GRN: variants seen among roughly 807,000 people sequenced by gnomAD.
The protein encoded by GRN is progranulin.
GRN carries 30 observed loss-of-function variants against 66.7 expected under a neutral mutation model. That is an observed-to-expected ratio of 0.45 (90% CI 0.34 to 0.61). The LOEUF is 0.61. Among genes scored for constraint, GRN ranks in the 20% least tolerant of loss-of-function variants. The pLI is 0.01. For missense variants in GRN, 731 were observed against 803.5 expected, an observed-to-expected ratio of 0.91 and a Z score of 1.09; for synonymous variants, 327 against 311.1, an observed-to-expected ratio of 1.05 and a Z score of -0.54.
rs771907059 is a variant in GRN at position 44,351,360 on chromosome 17, C to T, written c.836-3C>T. 33 of 1,609,962 alleles carry T rather than the reference C, an allele frequency of 2.0e-5. No individual in the cohort carries two copies. The Middle Eastern group carries it at 6.6e-4, about 32-fold the overall frequency. ...TGACCTGTCCTCTCTGCTTCCCTCACAGTGGGGGATGTGAAATGTGACATG... is the reference window on the plus strand; with the variant it reads ...TGACCTGTCCTCTCTGCTTCCCTCATAGTGGGGGATGTGAAATGTGACATG... On this transcript the variant is annotated splice_polypyrimidine_tract_variant and splice_region_variant and intron_variant, in intron 8 of 12. Transcript: ENST00000053867.
Position 44,345,345 on chromosome 17 carries a change from G to T in GRN, c.-8+11G>T, listed in dbSNP as rs1404157374. On this transcript the variant is annotated intron_variant, in intron 1 of 12. Coordinates refer to ENST00000053867, the MANE Select transcript of GRN (RefSeq NM_002087.4). ...CGGAGTCGGACGCAGGTAGGAGAGC[G>T]GCCGCGCAGACCTCTCGCCTGCTCC... 6.7e-6 allele frequency: 1 copy of T among 148,740 alleles called. No individual in the cohort carries two copies. Among genetic ancestry groups the T allele is most frequent in the Non-Finnish European group, 1.5e-5 (1 of 67,508 alleles). The allele number at this position is 148,740 out of a possible 1,614,324, so 9.2% of individuals were successfully genotyped here.
chr17:44,349,494 C>T lies in GRN; in HGVS notation c.207C>T (p.Ala69=), dbSNP rs762201416. 35 of 1,614,026 alleles carry T rather than the reference C, an allele frequency of 2.2e-5. No individual in the cohort carries two copies. The highest frequency in any genetic ancestry group is 1.2e-4 in the African/African-American group (9 of 74,944). Residue 69 remains alanine, a synonymous_variant, in exon 3 of 13, where the codon GCC becomes GCT. Coordinates refer to ENST00000053867, the MANE Select transcript of GRN (RefSeq NM_002087.4). ...GPCQVDAHCS[A]GHSCIFTVSG... Reference sequence around the variant, plus strand: ...GCCAGGTTGATGCCCACTGCTCTGCCGGCCACTCCTGCATCTTTACCGTCT... The same window carrying T: ...GCCAGGTTGATGCCCACTGCTCTGCTGGCCACTCCTGCATCTTTACCGTCT...
At position 44,349,723 on chromosome 17, in the gene GRN, A is replaced by C. The variant is rs1459426505; in HGVS notation, c.321A>C (p.Ala107=). The part of the protein sequence containing the change: ...HCCPRGFHCS[A]DGRSCFQRSG... ...GCCCACGGGGCTTCCACTGCAGTGC[A>C]GACGGGCGATCCTGCTTCCAAAGAT... The change falls in exon 4 of 13, where the codon GCA becomes GCC. Residue 107 remains alanine (A), a synonymous_variant. Coordinates refer to ENST00000053867, the MANE Select transcript of GRN (RefSeq NM_002087.4). The C allele has an allele frequency of 7.4e-6, 12 of 1,611,528 alleles. No individual in the cohort carries two copies. Among genetic ancestry groups the C allele is most frequent in the Middle Eastern group, 1.7e-4 (1 of 6,056 alleles).
In GRN at chr17:44,352,095, C is replaced by G. The variant is rs773422804; in HGVS notation, c.1260C>G (p.Ser420Arg). 1.9e-6 allele frequency: 3 copies of G among 1,613,666 alleles called. No individual in the cohort carries two copies. Among genetic ancestry groups the G allele is most frequent in the Non-Finnish European group, 2.5e-6 (3 of 1,179,920 alleles). ...CVAEGQCQRG[S>R]EIVAGLEKMP... is the part of the protein sequence containing the mutation. ...CTGAGGGGCAGTGTCAGCGAGGAAG[C>G]GAGATCGTGGCTGGACTGGAGAAGA... Residue 420 changes from serine (S) to arginine (R), a missense_variant, in exon 11 of 13, where the codon AGC (serine) becomes AGG (arginine). Around this residue, in one of 3 missense-constraint regions of GRN, gnomAD observed 319 missense variants for 347.2 expected, o/e 0.92. Transcript: ENST00000053867.
rs374385285 is a variant in GRN at position 44,350,719 on chromosome 17, G to A, written c.627G>A (p.Pro209=). ...CCTTGTCCAGCTCGGTCATGTGTCC[G>A]GACGCACGGTCCCGGTGCCCTGATG... is the stretch of plus-strand genomic sequence containing the variant. ...AVALSSSVMC[P]DARSRCPDGS... Residue 209 remains proline (P), a synonymous_variant, in exon 7 of 13, where the codon CCG becomes CCA. Transcript: ENST00000053867. The A allele has an allele frequency of 1.7e-5, 28 of 1,613,850 alleles. No individual in the cohort carries two copies. Among genetic ancestry groups the A allele is most frequent in the African/African-American group, 4.0e-5 (3 of 74,904 alleles).
At chr17:44,351,881 G>A in intron 10 of GRN, 86 bp downstream of exon 10, 5 of 1,517,506 alleles carry the variant, frequency 3.3e-6, no homozygotes, top group Non-Finnish European at 2.7e-6. Context: ...GCCCATAGGT[G>A]ATACCCAGCT....
intron 1 of GRN, among the ~76,000 whole-genome samples, chr17:44,347,043 G>A (rs575675152): frequency 1.7e-4 from 26 of 152,032 alleles, no homozygotes; most frequent in Non-Finnish European, 2.9e-4. Context: ...CTTGAACCTG[G>A]GAGGCGGAGT....
Position 44,349,290 on chromosome 17 carries a change from C to T in GRN, c.126C>T (p.Cys42=), listed in dbSNP as rs2048349215. 4.3e-6 allele frequency: 7 copies of T among 1,613,760 alleles called. No homozygotes were observed. Among genetic ancestry groups the T allele is most frequent in the South Asian group, 1.1e-5 (1 of 91,090 alleles). ...CCGGAGGAGCCAGCTACAGCTGCTGCCGTCCCCTTCTGGTGAGTGCCCCTC... is the reference window on the plus strand; with the variant it reads ...CCGGAGGAGCCAGCTACAGCTGCTGTCGTCCCCTTCTGGTGAGTGCCCCTC... ...LDPGGASYSC[C]RPLLDKWPTT... The change falls in exon 2 of 13, where the codon TGC becomes TGT. Residue 42 remains cysteine, a synonymous_variant. Coordinates refer to ENST00000053867, the MANE Select transcript of GRN (RefSeq NM_002087.4).
chr17:44,351,301 G>A (rs1567887180), intron 8 of GRN, 62 bp from the exon 9 acceptor site: 2 of 1,527,208 alleles, frequency 1.3e-6, no homozygotes, highest in South Asian at 1.1e-5. Flanking sequence ...GCCGGCAAAG[G>A]GTTGATACCC....
chr17:44,351,625 CAG>C lies in GRN; in HGVS notation c.1010_1011del (p.Gln337ArgfsTer30), dbSNP rs1598364961. ...TGACACGCAGAAGGGTACCTGTGAA[CAG>C]GGGCCCCACCAGGTGCCCTGGATGG... ...TCDTQKGTCE[Q>X]GPHQVPWMEK... On this transcript the variant is annotated frameshift_variant, in exon 10 of 13. Coordinates refer to ENST00000053867, the MANE Select transcript of GRN (RefSeq NM_002087.4). LOFTEE classifies it high-confidence loss of function. 2 of 1,613,968 alleles carry C rather than the reference CAG, an allele frequency of 1.2e-6. No homozygotes were observed. The highest frequency in any genetic ancestry group is 2.7e-5 in the African/African-American group (2 of 74,898).
rs1598364271 is a variant in GRN at position 44,351,019 on chromosome 17, A to G, written c.709-18A>G. On this transcript the variant is annotated intron_variant, in intron 7 of 12. Coordinates refer to ENST00000053867, the MANE Select transcript of GRN (RefSeq NM_002087.4). ...CTGAGCCTGGAAGTGACAAAGACCC[A>G]CCCCTGTCCCCACTCAGGCCACCTG... 6.2e-7 allele frequency: 1 copy of G among 1,612,400 alleles called. No individual in the cohort carries two copies. Among genetic ancestry groups the G allele is most frequent in the South Asian group, 1.1e-5 (1 of 91,076 alleles).
rs1567888036 is a variant in GRN, at chr17:44,352,066, G to A, written c.1231G>A (p.Val411Ile). 1.2e-6 allele frequency: 2 copies of A among 1,613,594 alleles called. No homozygotes were observed. Among genetic ancestry groups the A allele is most frequent in the East Asian group, 4.5e-5 (2 of 44,844 alleles). Residue 411 changes from valine (V) to isoleucine (I), a missense_variant, in exon 11 of 13, where the codon GTA (valine) becomes ATA (isoleucine). Val to Ile is a conservative substitution (Grantham distance 29). Around this residue, in one of 3 missense-constraint regions of GRN, gnomAD observed 319 missense variants for 347.2 expected, o/e 0.92. Coordinates refer to ENST00000053867, the MANE Select transcript of GRN (RefSeq NM_002087.4). ...CTGCTGCCCCCAGGGCTACACGTGT[G>A]TAGCTGAGGGGCAGTGTCAGCGAGG... Reference protein sequence around the residue: ...QHCCPQGYTCVAEGQCQRGSE... With the variant: ...QHCCPQGYTCIAEGQCQRGSE...
intron 1 of GRN, among the ~76,000 whole-genome samples, chr17:44,347,786 T>C (rs1048802759): frequency 6.6e-6 from 1 of 151,780 alleles, no homozygotes; most frequent in African/African-American, 2.4e-5. Context: ...ACCCCCTCTC[T>C]GCTAAAAATA....
Position 44,351,223 on chromosome 17 carries a change from G to A in GRN, c.835+60G>A, listed in dbSNP as rs1045288242. 13 of 1,600,194 alleles carry A rather than the reference G, an allele frequency of 8.1e-6. No homozygotes were observed. In the East Asian group the frequency reaches 2.7e-4, roughly 33 times the overall value. The stretch of plus-strand genomic sequence containing the variant: ...CCCCCTTTCCTCCCTTTTAGGCCTG[G>A]CCTTAGGATCACTGCAAGGTGGTGT... On this transcript the variant is annotated intron_variant, in intron 8 of 12. Coordinates refer to ENST00000053867, the MANE Select transcript of GRN (RefSeq NM_002087.4).
chr17:44,349,589 T>C, intron 3 of GRN, 38 bp downstream of exon 3: 1 of 1,613,760 alleles, frequency 6.2e-7, no homozygotes, highest in Non-Finnish European at 8.5e-7. Context: ...GGCTTAGGTC[T>C]GCATTTATGC....
intron 4 of GRN, 190 bp from the exon 5 acceptor site, chr17:44,350,038 A>G (rs1453569674): frequency 5.9e-6 from 4 of 672,856 alleles, no homozygotes; most frequent in East Asian, 2.7e-5. Flanking sequence ...TCCCCATGCC[A>G]TCTTGCTGAG....
intron 1 of GRN, among the ~76,000 whole-genome samples, chr17:44,348,071 AAAAAT>A (rs1374160258): frequency 1.3e-5 from 2 of 152,200 alleles, no homozygotes; most frequent in African/African-American, 2.4e-5. Context: ...CCTCATCTCT[AAAAAT>A]AAAATAAAAG....
In GRN at chr17:44,352,680, G is replaced by A. The variant is rs773453925; in HGVS notation, c.1664G>A (p.Arg555Gln). Reference protein sequence around the residue: ...PYRQGVCCADRRHCCPAGFRC... With the variant: ...PYRQGVCCADQRHCCPAGFRC... ...ATCCAGGGCGTCTGTTGTGCTGATCGGCGCCACTGCTGTCCTGCTGGCTTC... is the reference window on the plus strand; with the variant it reads ...ATCCAGGGCGTCTGTTGTGCTGATCAGCGCCACTGCTGTCCTGCTGGCTTC... The change falls in exon 13 of 13, where the codon CGG becomes CAG. Residue 555 changes from arginine to glutamine, a missense_variant. By Grantham distance (43) the Arg-to-Gln change is conservative (BLOSUM62 1). Around this residue, in one of 3 missense-constraint regions of GRN, gnomAD observed 319 missense variants for 347.2 expected, o/e 0.92. Coordinates refer to ENST00000053867, the MANE Select transcript of GRN (RefSeq NM_002087.4). 35 of 1,610,046 alleles carry A rather than the reference G, an allele frequency of 2.2e-5. No individual in the cohort carries two copies. The highest frequency in any genetic ancestry group is 2.7e-5 in the Non-Finnish European group (32 of 1,180,002).
chr17:44,347,991 A>G (rs2143318624), intron 1 of GRN, among the ~76,000 whole-genome samples: 1 of 151,320 alleles, frequency 6.6e-6, no homozygotes, highest in African/African-American at 2.4e-5. Flanking sequence ...CCAGCTACTT[A>G]GTAGGAGGCC....
Sources: allele counts gnomAD v4.1 joint callset (sites outside exome capture counted in the v4.1 genomes callset), GRCh38; gene constraint gnomAD v4.1.1; regional missense constraint gnomAD v4.1.1; transcripts MANE v1.5; gene names NCBI Gene and HGNC (gene_info 2026-07-23, HGNC 2026-07-21).